The following CACNA1B variants were observed in gnomAD, a reference collection of about 807,000 sequenced individuals.
CACNA1B encodes voltage-dependent N-type calcium channel subunit alpha-1B.
CACNA1B carries 70 observed loss-of-function variants against 247.2 expected under a neutral mutation model. That is an observed-to-expected ratio of 0.28 (90% CI 0.23 to 0.35). CACNA1B has a LOEUF of 0.35. Among genes scored for constraint, CACNA1B ranks in the 10% least tolerant of loss-of-function variants. The pLI is 1.00. For missense variants in CACNA1B, 2,367 were observed against 3,197.4 expected (o/e 0.74, Z 6.26); for synonymous variants, 1,231 against 1,294.4 (o/e 0.95, Z 1.05).
rs1367064402 is a variant in CACNA1B at position 137,974,496 on chromosome 9, C to T, written c.1544-1411C>T. 6.6e-6 allele frequency among the ~76,000 whole-genome samples: 1 copy of T among 152,192 alleles called. No homozygotes were observed. Among genetic ancestry groups the T allele is most frequent in the Non-Finnish European group, 1.5e-5 (1 of 68,026 alleles). On this transcript the variant is annotated intron_variant, in intron 11 of 46. Transcript: ENST00000371372. The surrounding 1 kb of genome is among the most constrained non-coding windows in gnomAD (Gnocchi z 4.5). ...GTGGGGTGTCCGCTCCCTGAGACTC[C>T]TGTCTGTTTGTACGGTGCCTGAGTG... is the stretch of plus-strand genomic sequence containing the variant.
chr9:137,947,238 T>C (rs1382527582), intron 6 of CACNA1B, among the ~76,000 whole-genome samples: 2 of 152,104 alleles, frequency 1.3e-5, no homozygotes, highest in African/African-American at 2.4e-5. Context: ...AGCAGCCTGA[T>C]TGGTTGTGGG....
At chr9:138,048,979 A>G (rs569738810) in intron 23 of CACNA1B, among the ~76,000 whole-genome samples, 1 of 152,230 alleles carries the variant, frequency 6.6e-6, no homozygotes, top group South Asian at 2.1e-4. Flanking sequence ...CAGCCTCCCA[A>G]AGTGCTGGGA....
intron 21 of CACNA1B, among the ~76,000 whole-genome samples, chr9:138,045,897 C>T (rs575774593): frequency 2.0e-5 from 3 of 152,174 alleles, no homozygotes; most frequent in East Asian, 1.9e-4. Context: ...CTTGGGGGTT[C>T]GCAGGTGTGG....
chr9:138,053,539 C>G (rs1959370608), intron 25 of CACNA1B, among the ~76,000 whole-genome samples: 1 of 152,140 alleles, frequency 6.6e-6, no homozygotes, highest in Admixed American at 6.5e-5. Context: ...TTTCCTGCTT[C>G]CGGCCCCTCC....
At chr9:138,043,109 A>G (rs962171211) in intron 20 of CACNA1B, among the ~76,000 whole-genome samples, 37 of 152,212 alleles carry the variant, frequency 2.4e-4, no homozygotes, top group African/African-American at 8.9e-4. Flanking sequence ...GGTGGCGGCC[A>G]TATTAGCCCT....
chr9:138,010,296 G>C lies in CACNA1B; in HGVS notation c.2160+219G>C, dbSNP rs189914077. On this transcript the variant is annotated intron_variant, in intron 17 of 46. Coordinates refer to ENST00000371372, the MANE Select transcript of CACNA1B (RefSeq NM_000718.4). This position sits in a 1 kb window ranked among gnomAD's most constrained non-coding sequence, Gnocchi z 5.3. ...GCAGATGGACAGGCAGGCTCTCAGG[G>C]AAGCCAGCACAGGGAAGAATGGCCT... Among the ~76,000 whole-genome samples the C allele has an allele frequency of 1.3e-5, 2 of 152,204 alleles. No homozygotes were observed. Among genetic ancestry groups the C allele is most frequent in the African/African-American group, 4.8e-5 (2 of 41,452 alleles).
intron 10 of CACNA1B, among the ~76,000 whole-genome samples, chr9:137,970,031 TG>T (rs1011854034): frequency 6.6e-6 from 1 of 152,032 alleles, no homozygotes; most frequent in Non-Finnish European, 1.5e-5. Context: ...ACTGAGAGCC[TG>T]GGTGTGCACA....
intron 3 of CACNA1B, among the ~76,000 whole-genome samples, chr9:137,902,428 G>T (rs1208130519): frequency 6.6e-6 from 1 of 152,192 alleles, no homozygotes; most frequent in Non-Finnish European, 1.5e-5. Flanking sequence ...GCTTCAGGGC[G>T]TAGAAAGTAC....
In CACNA1B at chr9:138,011,499, T is replaced by C. The variant is rs1958723997; in HGVS notation, c.2160+1422T>C. Among the ~76,000 whole-genome samples the C allele has an allele frequency of 6.6e-6, 1 of 152,176 alleles. No individual in the cohort carries two copies. On this transcript the variant is annotated intron_variant, in intron 17 of 46. Transcript: ENST00000371372. The surrounding 1 kb of genome is among the most constrained non-coding windows in gnomAD (Gnocchi z 4.2). ...AGCCGCAAAGTTTATGACTCGACCA[T>C]CCCCTTCCCTTATATTCCCATAATA...
intron 8 of CACNA1B, among the ~76,000 whole-genome samples, chr9:137,956,165 G>GCCCTCCTAA (rs1957944944): frequency 6.6e-6 from 1 of 152,298 alleles, no homozygotes; most frequent in African/African-American, 2.4e-5. Context: ...TCCTCCACAT[G>GCCCTCCTAA]GGGCATCCAC....
intron 35 of CACNA1B, among the ~76,000 whole-genome samples, chr9:138,076,164 G>A (rs1279322681): frequency 6.6e-6 from 1 of 152,314 alleles, no homozygotes; most frequent in Non-Finnish European, 1.5e-5. Flanking sequence ...GGAGCCCTGG[G>A]CCAGGCCGGC....
Position 137,974,630 on chromosome 9 carries a change from T to G in CACNA1B, c.1544-1277T>G, listed in dbSNP as rs923391123. ...GCACAGCCCTTGGTGGAGGAGATTT[T>G]AGGAGCATAGGGGTGGGAAGAGTGT... On this transcript the variant is annotated intron_variant, in intron 11 of 46. Transcript: ENST00000371372. The surrounding 1 kb of genome is among the most constrained non-coding windows in gnomAD (Gnocchi z 4.5). Among the ~76,000 whole-genome samples, 1 of 152,154 alleles carries G rather than the reference T, an allele frequency of 6.6e-6. No homozygotes were observed. The highest frequency in any genetic ancestry group is 6.5e-5 in the Admixed American group (1 of 15,278).
intron 15 of CACNA1B, among the ~76,000 whole-genome samples, chr9:137,999,696 C>T (rs1287294930): frequency 2.6e-5 from 4 of 151,766 alleles, no homozygotes; most frequent in Admixed American, 6.6e-5. Flanking sequence ...TTTGTAGAGA[C>T]GTGGTCTCAC....
chr9:137,968,915 A>G (rs1277031716), intron 10 of CACNA1B, among the ~76,000 whole-genome samples: 4 of 152,242 alleles, frequency 2.6e-5, no homozygotes, highest in African/African-American at 9.6e-5. Context: ...TTTTCATTAT[A>G]AAGAATATAT....
intron 36 of CACNA1B, among the ~76,000 whole-genome samples, chr9:138,096,177 G>A (rs1369315957): frequency 1.3e-5 from 2 of 152,104 alleles, no homozygotes; most frequent in East Asian, 3.9e-4. Context: ...TGCACGTCAC[G>A]GATTTCATGG....
chr9:138,032,489 A>G (rs949326624), intron 20 of CACNA1B, among the ~76,000 whole-genome samples: 6 of 151,790 alleles, frequency 4.0e-5, no homozygotes, highest in African/African-American at 1.5e-4. Flanking sequence ...CCTTCCTGAT[A>G]TTCCAATATT....
In CACNA1B at chr9:138,118,100, T is replaced by C. The variant is rs1961935436; in HGVS notation, c.5913+19T>C. The C allele has an allele frequency of 1.3e-5, 19 of 1,481,146 alleles. No individual in the cohort carries two copies. Among genetic ancestry groups the C allele is most frequent in the African/African-American group, 1.7e-5 (1 of 58,082 alleles). 91.8% of individuals were successfully genotyped at this position (1,481,146 alleles called of 1,614,324 possible). A position where few individuals can be genotyped will look rare whatever the true frequency, so the allele number is the denominator to read the frequency against. On this transcript the variant is annotated intron_variant, in intron 43 of 46. Transcript: ENST00000371372. ...AGCACTGGTGAGCACTCCCGGGGGC[T>C]AGTGAGACTGGGTTGGGGGATGTGT...
chr9:138,079,632 AC>A (rs1812654274), intron 36 of CACNA1B, among the ~76,000 whole-genome samples: 1 of 151,140 alleles, frequency 6.6e-6, no homozygotes, highest in Admixed American at 6.6e-5. Context: ...AATCCCAGCC[AC>A]CTGGGGAGCT....
intron 3 of CACNA1B, among the ~76,000 whole-genome samples, chr9:137,905,863 GGTGTCCTGCCCTT>G (rs1404476963): frequency 6.6e-6 from 1 of 152,224 alleles, no homozygotes; most frequent in African/African-American, 2.4e-5. Context: ...AGTGAATGGA[GGTGTCCTGCCCTT>G]GTCCTAAGAC....
Sources: gnomAD v4.1 joint callset for allele counts (sites outside exome capture counted in the v4.1 genomes callset) on GRCh38, gnomAD v4.1.1 for gene constraint, Gnocchi (gnomAD v3.1) non-coding constraint, MANE v1.5 for transcripts, NCBI Gene and HGNC (gene_info 2026-07-23, HGNC 2026-07-21) for gene names.